Variants in SV2C observed in about 807,000 individuals in gnomAD.
The protein encoded by SV2C is solute carrier family 22 member B3.
In SV2C, 49 loss-of-function variants were observed where a neutral mutation model predicts 79.7. That is an observed-to-expected ratio of 0.61 (90% CI 0.49 to 0.78). The LOEUF (loss-of-function observed/expected upper bound fraction) is 0.78, where lower values mean the gene tolerates loss of function less well. Ranked by LOEUF, SV2C falls within the 30% of genes least tolerant of loss-of-function variation. The probability of loss-of-function intolerance (pLI) is 0.00; values close to 1 mark genes in which losing one functional copy is unlikely to be tolerated. For synonymous variants in SV2C, 334 were observed against 333.2 expected (o/e 1.00, Z -0.03); for missense variants, 833 against 912.9 (o/e 0.91, Z 1.13).
the SV2C span, among the ~76,000 whole-genome samples, chr5:75,965,927 C>G: frequency 2.0e-5 from 3 of 152,156 alleles, no homozygotes; most frequent in East Asian, 5.8e-4. Context: ...TTAACATTCA[C>G]TATAAATTCT....
At chr5:75,899,802 TC>T in the SV2C span, among the ~76,000 whole-genome samples, 1 of 152,292 alleles carries the variant, frequency 6.6e-6, no homozygotes, top group South Asian at 2.1e-4. Flanking sequence ...GTTGAATTGA[TC>T]CCTTTATCAG....
the SV2C span, among the ~76,000 whole-genome samples, chr5:75,997,430 CA>C: frequency 3.1e-4 from 15 of 48,050 alleles, no homozygotes; most frequent in Admixed American, 9.6e-4. Context: ...AAAATTTTTG[CA>C]ATCTACTCAT....
the SV2C span, among the ~76,000 whole-genome samples, chr5:75,880,989 G>T: frequency 6.6e-6 from 1 of 152,152 alleles, no homozygotes; most frequent in Non-Finnish European, 1.5e-5. Context: ...GGTGAAGGGG[G>T]AACAGATCTC....
intron 12 of SV2C, among the ~76,000 whole-genome samples, chr5:76,324,329 G>A (rs1470405314): frequency 6.6e-6 from 1 of 152,048 alleles, no homozygotes; most frequent in African/African-American, 2.4e-5. Context: ...GAAATTATGG[G>A]AATTTACAAA....
At chr5:76,290,806 G>A (rs1425459166) in intron 6 of SV2C, among the ~76,000 whole-genome samples, 4 of 152,078 alleles carry the variant, frequency 2.6e-5, no homozygotes, top group Non-Finnish European at 5.9e-5. Flanking sequence ...TATAGTTAGG[G>A]GTCAAATTCA....
chr5:76,106,241 A>G (rs1185860086), intron 1 of SV2C, among the ~76,000 whole-genome samples: 1 of 151,964 alleles, frequency 6.6e-6, no homozygotes, highest in Non-Finnish European at 1.5e-5. Context: ...TCTGCCTTCA[A>G]ATTATAACCA....
chr5:76,028,598 C>G, the SV2C span, among the ~76,000 whole-genome samples: 1 of 152,178 alleles, frequency 6.6e-6, no homozygotes. Context: ...AACTTAGATG[C>G]ACATTTCCCA....
chr5:76,212,449 T>C (rs921079607), intron 4 of SV2C, among the ~76,000 whole-genome samples: 22 of 151,714 alleles, frequency 1.5e-4, no homozygotes, highest in East Asian at 3.9e-4. Context: ...GTGCTTTTTT[T>C]TCTCTCTCTC....
the SV2C span, among the ~76,000 whole-genome samples, chr5:75,902,755 G>T: frequency 1.3e-5 from 2 of 152,110 alleles, no homozygotes; most frequent in Admixed American, 1.3e-4. Context: ...CATTTGTTTT[G>T]GGATTTGCAT....
intron 1 of SV2C, among the ~76,000 whole-genome samples, chr5:76,089,548 A>G (rs1561210560): frequency 6.6e-6 from 1 of 152,216 alleles, no homozygotes; most frequent in Non-Finnish European, 1.5e-5. Flanking sequence ...ATACCCAGTA[A>G]TGGGATTGCT....
At chr5:76,312,267 G>A (rs555686685) in intron 12 of SV2C, among the ~76,000 whole-genome samples, 2 of 151,310 alleles carry the variant, frequency 1.3e-5, no homozygotes, top group Non-Finnish European at 1.5e-5. Flanking sequence ...TTTTTTTGGG[G>A]GGGGGGACAG....
At chr5:76,088,420 AG>A (rs1747268396) in intron 1 of SV2C, among the ~76,000 whole-genome samples, 2 of 152,170 alleles carry the variant, frequency 1.3e-5, no homozygotes, top group African/African-American at 4.8e-5. Context: ...ACAATTCTGG[AG>A]GCTGGAAATT....
chr5:76,146,797 T>TTAAAAAAAAAAAAA (rs755941303), intron 2 of SV2C, among the ~76,000 whole-genome samples: 4 of 39,334 alleles, frequency 1.0e-4, no homozygotes, highest in Non-Finnish European at 1.7e-4. Flanking sequence ...AGTTTTTTTT[T>TTAAAAAAAAAAAAA]AAAAAAAAAA....
At chr5:76,081,796 A>G (rs951347214), upstream of SV2C, 2 of 152,260 alleles carry the variant, frequency 1.3e-5, no homozygotes, top group Admixed American at 6.5e-5. Context: ...TTCTCTTCAC[A>G]GTATCCTGCA....
chr5:76,031,743 A>G, the SV2C span, among the ~76,000 whole-genome samples: 18 of 152,354 alleles, frequency 1.2e-4, no homozygotes, highest in South Asian at 4.1e-4. Context: ...ATACTCTAAT[A>G]CCATCAGCTT....
chr5:76,270,039 A>G (rs755246630), intron 4 of SV2C, among the ~76,000 whole-genome samples: 2 of 152,128 alleles, frequency 1.3e-5, no homozygotes, highest in Non-Finnish European at 1.5e-5. Context: ...GTTGCCTGAC[A>G]TTTTGAGACA....
intron 2 of SV2C, among the ~76,000 whole-genome samples, chr5:76,146,351 C>T (rs1181649268): frequency 6.6e-6 from 1 of 152,188 alleles, no homozygotes; most frequent in African/African-American, 2.4e-5. Context: ...CCGAGGGCTG[C>T]TGGTTGCCCA....
chr5:76,346,951 T>C (rs1348499575), intron 12 of SV2C, among the ~76,000 whole-genome samples: 2 of 152,330 alleles, frequency 1.3e-5, no homozygotes, highest in Admixed American at 1.3e-4. Flanking sequence ...CGTGCATCTT[T>C]CTTAAATCAG....
chr5:76,127,597 T>C (rs549706116), intron 1 of SV2C, among the ~76,000 whole-genome samples: 1 of 152,320 alleles, frequency 6.6e-6, no homozygotes, highest in East Asian at 1.9e-4. Flanking sequence ...GCTAATGCCC[T>C]GGGTCCCTGG....
Sources: gnomAD v4.1 joint callset for allele counts (sites outside exome capture counted in the v4.1 genomes callset) on GRCh38, gnomAD v4.1.1 for gene constraint, MANE v1.5 for transcripts, NCBI Gene and HGNC (gene_info 2026-07-23, HGNC 2026-07-21) for gene names.